The following PLCL1 variants were observed in gnomAD, a reference collection of about 807,000 sequenced individuals.
PLCL1 encodes inactive phospholipase C-like protein 1.
Under a neutral mutation model 84.4 loss-of-function variants are expected in PLCL1, and 41 were observed. That is an observed-to-expected ratio of 0.49 (90% confidence interval 0.38 to 0.63). PLCL1 has a LOEUF of 0.63. Ranked by LOEUF, PLCL1 falls within the 30% of genes least tolerant of loss-of-function variation. PLCL1 has a pLI of 0.00. For missense variants in PLCL1, 1,206 were observed against 1,367.8 expected (o/e 0.88, Z 1.87); for synonymous variants, 490 against 488.3 (o/e 1.00, Z -0.05).
At chr2:198,020,992 T>A (rs1316162407) in intron 1 of PLCL1, among the ~76,000 whole-genome samples, 3 of 152,184 alleles carry the variant, frequency 2.0e-5, no homozygotes, top group Non-Finnish European at 4.4e-5. Flanking sequence ...GACCACATAA[T>A]TGGAAGTAAA....
At chr2:197,871,839 G>C (rs539304578) in intron 1 of PLCL1, among the ~76,000 whole-genome samples, 1 of 152,004 alleles carries the variant, frequency 6.6e-6, no homozygotes, top group African/African-American at 2.4e-5. Context: ...ATAAGAACAC[G>C]ACCAGCACTG....
chr2:197,996,623 A>G (rs902777512), intron 1 of PLCL1, among the ~76,000 whole-genome samples: 4 of 152,112 alleles, frequency 2.6e-5, no homozygotes, highest in Non-Finnish European at 4.4e-5. Context: ...TAAAAAAAAA[A>G]GCCAGTGAAG....
chr2:198,006,648 T>C (rs1026438842), intron 1 of PLCL1, among the ~76,000 whole-genome samples: 7 of 152,252 alleles, frequency 4.6e-5, no homozygotes, highest in African/African-American at 1.7e-4. Flanking sequence ...CATAATGTGA[T>C]GAAGGATTCT....
intron 1 of PLCL1, among the ~76,000 whole-genome samples, chr2:197,995,056 TATG>T (rs2105815616): frequency 6.6e-6 from 1 of 152,304 alleles, no homozygotes; most frequent in Non-Finnish European, 1.5e-5. Context: ...AGTCTTAACA[TATG>T]GCACATATCC....
intron 1 of PLCL1, among the ~76,000 whole-genome samples, chr2:198,080,685 T>A (rs1692689940): frequency 6.6e-6 from 1 of 152,208 alleles, no homozygotes; most frequent in Non-Finnish European, 1.5e-5. Flanking sequence ...TAATCTTGGC[T>A]GTAGTCATCA....
intron 1 of PLCL1, among the ~76,000 whole-genome samples, chr2:197,923,939 C>G (rs1408021976): frequency 2.6e-5 from 4 of 151,748 alleles, no homozygotes; most frequent in African/African-American, 4.8e-5. Context: ...GCGGATCACT[C>G]GCGGTTAGGG....
At chr2:197,914,682 T>C (rs1186933496) in intron 1 of PLCL1, among the ~76,000 whole-genome samples, 3 of 152,218 alleles carry the variant, frequency 2.0e-5, no homozygotes, top group Admixed American at 2.0e-4. Flanking sequence ...TAAACAACTT[T>C]ATCAAATAGC....
intron 5 of PLCL1, among the ~76,000 whole-genome samples, chr2:198,120,201 C>T (rs989875983): frequency 6.6e-6 from 1 of 151,844 alleles, no homozygotes; most frequent in Non-Finnish European, 1.5e-5. Context: ...TTTGTGGGTA[C>T]ATAGGTGTAT....
intron 5 of PLCL1, among the ~76,000 whole-genome samples, chr2:198,104,480 GA>G (rs1693422935): frequency 6.6e-6 from 1 of 151,900 alleles, no homozygotes. Flanking sequence ...TTGCTATTGT[GA>G]ATAGTGCTGT....
chr2:197,957,014 A>C (rs1010971677), intron 1 of PLCL1, among the ~76,000 whole-genome samples: 1 of 151,366 alleles, frequency 6.6e-6, no homozygotes, highest in African/African-American at 2.4e-5. Flanking sequence ...TACTTTCTTT[A>C]CTTGGTTATT....
intron 1 of PLCL1, among the ~76,000 whole-genome samples, chr2:198,061,142 C>G (rs1230486595): frequency 6.6e-6 from 1 of 152,068 alleles, no homozygotes; most frequent in African/African-American, 2.4e-5. Context: ...AAAAAGATTA[C>G]AGATAATTAT....
At chr2:197,908,335 G>A (rs371995238) in intron 1 of PLCL1, among the ~76,000 whole-genome samples, 9 of 152,064 alleles carry the variant, frequency 5.9e-5, no homozygotes, top group South Asian at 2.1e-4. Context: ...CTTAACTTTC[G>A]CTTACATATT....
intron 1 of PLCL1, among the ~76,000 whole-genome samples, chr2:198,074,106 T>C (rs548934689): frequency 3.7e-4 from 56 of 152,306 alleles, no homozygotes; most frequent in Admixed American, 9.1e-4. Context: ...TCGTTATATA[T>C]TTTATGTCAT....
At chr2:197,985,061 A>G (rs1690192971) in intron 1 of PLCL1, among the ~76,000 whole-genome samples, 1 of 152,070 alleles carries the variant, frequency 6.6e-6, no homozygotes, top group Non-Finnish European at 1.5e-5. Flanking sequence ...TCAGATTAGC[A>G]CAGCAATTTT....
At chr2:197,922,517 G>A (rs202072374) in intron 1 of PLCL1, among the ~76,000 whole-genome samples, 10,891 of 97,404 alleles carry the variant, frequency 0.11, 635 homozygotes, top group East Asian at 0.26. Context: ...CGTTCTCAAT[G>A]AGCTGTTGGG....
chr2:198,092,588 A>C (rs2105905149), intron 3 of PLCL1, among the ~76,000 whole-genome samples: 1 of 152,168 alleles, frequency 6.6e-6, no homozygotes, highest in East Asian at 1.9e-4. Context: ...ATTGTTAACT[A>C]TAGTCACTAC....
At chr2:198,021,970 A>G (rs191029216) in intron 1 of PLCL1, among the ~76,000 whole-genome samples, 4 of 152,342 alleles carry the variant, frequency 2.6e-5, no homozygotes, top group East Asian at 1.9e-4. Context: ...ATGATCATCA[A>G]TGTGAAAATC....
intron 5 of PLCL1, among the ~76,000 whole-genome samples, chr2:198,111,541 CTA>C (rs1403534327): frequency 1.3e-5 from 2 of 151,862 alleles, no homozygotes; most frequent in African/African-American, 2.4e-5. Flanking sequence ...CTGGCACATG[CTA>C]TATGAGTGTT....
chr2:198,071,710 A>C (rs1692468701), intron 1 of PLCL1, among the ~76,000 whole-genome samples: 1 of 151,902 alleles, frequency 6.6e-6, no homozygotes, highest in South Asian at 2.1e-4. Flanking sequence ...TTTTTAAAAA[A>C]TATCAATACA....
Sources: allele counts gnomAD v4.1 joint callset (sites outside exome capture counted in the v4.1 genomes callset), GRCh38; gene constraint gnomAD v4.1.1; transcripts MANE v1.5; gene names NCBI Gene and HGNC (gene_info 2026-07-23, HGNC 2026-07-21).